ZNF484: variants seen among roughly 807,000 people sequenced by gnomAD.
ZNF484 encodes zinc finger protein 484.
Under a neutral mutation model 12.9 loss-of-function variants are expected in ZNF484, and 11 were observed. The observed-to-expected ratio is 0.85, with a 90% CI of 0.54 to 1.41. The LOEUF is 1.41. ZNF484 is among the 40% of genes most tolerant of loss of function. ZNF484 has a pLI of 0.00. For missense variants in ZNF484, 807 were observed against 1,007.7 expected (o/e 0.80, Z 2.70); for synonymous variants, 289 against 334.1 (o/e 0.86, Z 1.47).
In ZNF484 at chr9:92,855,796, T is replaced by C. The variant is rs770522546; in HGVS notation, c.235+15A>G. The C allele has an allele frequency of 1.9e-6, 3 of 1,612,744 alleles. No individual in the cohort carries two copies. The highest frequency in any genetic ancestry group is 1.7e-5 in the Admixed American group (1 of 59,898). On this transcript the variant is annotated intron_variant, in intron 4 of 4. Transcript: ENST00000375495. ...TGAGTCATACTGTCTACCATGCTCT[T>C]GGTTCCCTTCTCACCTGGACGGCTC...
chr9:92,860,294 T>G (rs567610538), intron 2 of ZNF484, among the ~76,000 whole-genome samples: 1 of 152,176 alleles, frequency 6.6e-6, no homozygotes, highest in South Asian at 2.1e-4. Flanking sequence ...GCAAAGTTAA[T>G]CCTTTACTGC....
chr9:92,865,056 G>A (rs1856991493), intron 2 of ZNF484, among the ~76,000 whole-genome samples: 1 of 151,924 alleles, frequency 6.6e-6, no homozygotes. Context: ...GAGAGAGAGA[G>A]AACGAGAGAG....
chr9:92,855,696 G>A, intron 4 of ZNF484, 115 bp downstream of exon 4: 9 of 895,014 alleles, frequency 1.0e-5, no homozygotes, highest in Non-Finnish European at 1.6e-5. Context: ...CTTCCAAGCA[G>A]TTCTAAAAGT....
rs374561386 is a variant in ZNF484 at position 92,855,947 on chromosome 9, C to A, written c.143-44G>T. The A allele has an allele frequency of 4.4e-6, 7 of 1,596,752 alleles. No individual in the cohort carries two copies. In the Admixed American group the frequency reaches 8.6e-5, roughly 20 times the overall value. On this transcript the variant is annotated intron_variant, in intron 3 of 4. Transcript: ENST00000375495. ...AGAGGACTTGATTTCAGAGGCCATA[C>A]AATGAAGCATTCCATTTTTTTCCCA...
Position 92,877,871 on chromosome 9 carries a change from C to T in ZNF484, c.-31+19G>A, listed in dbSNP as rs1587780374. 2 of 1,535,748 alleles carry T rather than the reference C, an allele frequency of 1.3e-6. No homozygotes were observed. Among genetic ancestry groups the T allele is most frequent in the East Asian group, 2.4e-5 (1 of 40,912 alleles). ...ATTCTTCTTGCTCAGTCCACAGATG[C>T]TGCCATCCCTCTACTCACCTGCCCC... On this transcript the variant is annotated intron_variant, in intron 1 of 4. Coordinates refer to ENST00000375495, the MANE Select transcript of ZNF484 (RefSeq NM_031486.4).
chr9:92,869,376 A>C (rs1857295278), intron 2 of ZNF484, among the ~76,000 whole-genome samples: 1 of 152,186 alleles, frequency 6.6e-6, no homozygotes, highest in Non-Finnish European at 1.5e-5. Context: ...GAATATTGTT[A>C]AAATAATCAT....
chr9:92,867,025 G>A (rs963768850), intron 2 of ZNF484, among the ~76,000 whole-genome samples: 2 of 152,170 alleles, frequency 1.3e-5, no homozygotes, highest in African/African-American at 4.8e-5. Flanking sequence ...AGAGCATTAG[G>A]ACAAATAGCA....
chr9:92,868,079 A>G (rs1021874561), intron 2 of ZNF484, among the ~76,000 whole-genome samples: 1 of 152,110 alleles, frequency 6.6e-6, no homozygotes, highest in African/African-American at 2.4e-5. Flanking sequence ...AAACAACACA[A>G]ACTTGTCACT....
chr9:92,868,705 A>C (rs1415830631), intron 2 of ZNF484, among the ~76,000 whole-genome samples: 2 of 152,024 alleles, frequency 1.3e-5, no homozygotes, highest in Non-Finnish European at 2.9e-5. Flanking sequence ...AGCGAATGGG[A>C]GGTAGCAAGC....
chr9:92,875,599 A>G (rs1857750794), intron 1 of ZNF484, among the ~76,000 whole-genome samples: 1 of 152,064 alleles, frequency 6.6e-6, no homozygotes, highest in African/African-American at 2.4e-5. Context: ...CTCTCTACCA[A>G]TCAATCCCAC....
At chr9:92,849,157 A>G (rs1855903149) in intron 4 of ZNF484, among the ~76,000 whole-genome samples, 1 of 151,640 alleles carries the variant, frequency 6.6e-6, no homozygotes, top group Non-Finnish European at 1.5e-5. Flanking sequence ...GCTACTCAGG[A>G]GGCTGAGGCA....
At position 92,877,752 on chromosome 9, in the gene ZNF484, C is replaced by T. The variant is rs1857922738; in HGVS notation, c.-31+138G>A. 7 of 1,533,140 alleles carry T rather than the reference C, an allele frequency of 4.6e-6. No individual in the cohort carries two copies. The South Asian group carries it at 7.1e-5, about 16-fold the overall frequency. 95.0% of individuals were successfully genotyped at this position (1,533,140 alleles called of 1,614,324 possible). ...CCCCTCAGTGCCCCCTCACTCCTCC[C>T]TCAGATCCACCATCAGAGATCGCTC... On this transcript the variant is annotated intron_variant, in intron 1 of 4. Transcript: ENST00000375495.
chr9:92,848,617 GT>G lies in ZNF484; in HGVS notation c.236-67del. ...TTAACAGAAAATAAGGCCAGGTGCGGTGGCTCATGCCTGTAATCCTAGCACT... is the reference window on the plus strand; with the variant it reads ...TTAACAGAAAATAAGGCCAGGTGCGGGGCTCATGCCTGTAATCCTAGCACT... On this transcript the variant is annotated intron_variant, in intron 4 of 4. Transcript: ENST00000375495. The surrounding 1 kb of genome is among the most constrained non-coding windows in gnomAD (Gnocchi z 4.1). The G allele has an allele frequency of 7.0e-7, 1 of 1,430,466 alleles. No homozygotes were observed. Among genetic ancestry groups the G allele is most frequent in the East Asian group, 2.4e-5 (1 of 40,932 alleles). The allele number at this position is 1,430,466 out of a possible 1,614,324, so 88.6% of individuals were successfully genotyped here.
At chr9:92,852,693 C>T (rs1320962065) in intron 4 of ZNF484, among the ~76,000 whole-genome samples, 1 of 151,930 alleles carries the variant, frequency 6.6e-6, no homozygotes, top group Non-Finnish European at 1.5e-5. Context: ...CCTGCCACCT[C>T]GCCTGGCTAA....
intron 4 of ZNF484, among the ~76,000 whole-genome samples, chr9:92,850,336 AAAG>A (rs1855991542): frequency 6.6e-6 from 1 of 152,208 alleles, no homozygotes; most frequent in African/African-American, 2.4e-5. Flanking sequence ...AACTCTGTGA[AAAG>A]AAGTATTTCT....
intron 4 of ZNF484, among the ~76,000 whole-genome samples, chr9:92,849,926 T>C (rs953012416): frequency 3.9e-5 from 6 of 152,158 alleles, no homozygotes; most frequent in African/African-American, 1.4e-4. Context: ...CTCAGCCTCA[T>C]GAGTGGCTGG....
chr9:92,867,316 A>C (rs2118150397), intron 2 of ZNF484, among the ~76,000 whole-genome samples: 1 of 152,170 alleles, frequency 6.6e-6, no homozygotes, highest in Non-Finnish European at 1.5e-5. Flanking sequence ...GTCTCTACTA[A>C]AAAAATTTAA....
Position 92,848,575 on chromosome 9 carries a change from A to T in ZNF484, c.236-24T>A. On this transcript the variant is annotated intron_variant, in intron 4 of 4. Coordinates refer to ENST00000375495, the MANE Select transcript of ZNF484 (RefSeq NM_031486.4). This position sits in a 1 kb window ranked among gnomAD's most constrained non-coding sequence, Gnocchi z 4.1. ...ATCTAAAAAAGAAAGAAAAGATAAG[A>T]CTGACAAAAAGAACAATTAACAGAA... is the stretch of plus-strand genomic sequence containing the variant. 1 of 1,542,846 alleles carries T rather than the reference A, an allele frequency of 6.5e-7. No homozygotes were observed. The highest frequency in any genetic ancestry group is 1.3e-5 in the South Asian group (1 of 79,882).
At chr9:92,864,453 A>T (rs1856952592) in intron 2 of ZNF484, among the ~76,000 whole-genome samples, 1 of 152,208 alleles carries the variant, frequency 6.6e-6, no homozygotes, top group Non-Finnish European at 1.5e-5. Flanking sequence ...AACAAAAAAA[A>T]AAGGTGTATA....
Sources: gnomAD v4.1 joint callset for allele counts (sites outside exome capture counted in the v4.1 genomes callset) on GRCh38, gnomAD v4.1.1 for gene constraint, Gnocchi (gnomAD v3.1) non-coding constraint, MANE v1.5 for transcripts, NCBI Gene and HGNC (gene_info 2026-07-23, HGNC 2026-07-21) for gene names.